The following RNLS variants were observed in gnomAD, a reference collection of about 807,000 sequenced individuals.
RNLS encodes renalase, FAD dependent amine oxidase, also known as renalase.
Under a neutral mutation model 39.8 loss-of-function variants are expected in RNLS, and 39 were observed. The ratio of observed to expected loss-of-function variants is 0.98; its 90% CI spans 0.76 to 1.28. The LOEUF (loss-of-function observed/expected upper bound fraction) is 1.28, where lower values mean the gene tolerates loss of function less well. Ranked by LOEUF, RNLS falls within the 50% of genes most tolerant of loss-of-function variation. RNLS has a pLI of 0.00. For missense variants in RNLS, 410 were observed against 413.3 expected, an observed-to-expected ratio of 0.99 and a Z score of 0.07; for synonymous variants, 147 against 150.7, an observed-to-expected ratio of 0.98 and a Z score of 0.18.
chr10:88,541,418 G>T (rs1159717630), intron 4 of RNLS, among the ~76,000 whole-genome samples: 1 of 152,110 alleles, frequency 6.6e-6, no homozygotes, highest in Admixed American at 6.6e-5. Context: ...GCTGAAACAG[G>T]ATCAAACATA....
chr10:88,315,009 T>C (rs1845652088), intron 5 of RNLS, among the ~76,000 whole-genome samples: 1 of 152,222 alleles, frequency 6.6e-6, no homozygotes, highest in Non-Finnish European at 1.5e-5. Flanking sequence ...ATACAGAGTC[T>C]ATATTCTTCA....
At chr10:88,377,641 G>T (rs1276196087) in intron 4 of RNLS, among the ~76,000 whole-genome samples, 2 of 152,150 alleles carry the variant, frequency 1.3e-5, no homozygotes, top group East Asian at 1.9e-4. Flanking sequence ...ATAAACAATG[G>T]TACATGTGTA....
downstream of RNLS, among the ~76,000 whole-genome samples, chr10:88,283,806 C>T (rs1458320210): frequency 1.3e-5 from 2 of 151,856 alleles, no homozygotes; most frequent in East Asian, 3.9e-4. Context: ...TGGGGCCTAC[C>T]TGAGAGTAGA....
chr10:88,579,539 T>C (rs1850408098), intron 3 of RNLS, among the ~76,000 whole-genome samples: 2 of 152,168 alleles, frequency 1.3e-5, no homozygotes, highest in South Asian at 4.1e-4. Flanking sequence ...TTCTGAGGGC[T>C]CCATTTTGGG....
rs1010901187 is a variant in RNLS at position 88,453,944 on chromosome 10, C to A, written c.527-91219G>T. On this transcript the variant is annotated intron_variant, in intron 4 of 6. Transcript: ENST00000331772. ...GAATATTTGTGGAATTAAAAACAAA[C>A]AAGAACATATTGATCTAGAATATGA... Among the ~76,000 whole-genome samples the A allele has an allele frequency of 5.9e-5, 9 of 152,160 alleles. No homozygotes were observed. In the East Asian group the frequency reaches 1.7e-3, roughly 29 times the overall value.
chr10:88,223,724 C>A, the RNLS span, among the ~76,000 whole-genome samples: 1 of 152,148 alleles, frequency 6.6e-6, no homozygotes, highest in Non-Finnish European at 1.5e-5. Context: ...CCCCCCAATT[C>A]TCTTGGAGAC....
chr10:88,535,406 T>C (rs751977656), intron 4 of RNLS, among the ~76,000 whole-genome samples: 2 of 150,214 alleles, frequency 1.3e-5, no homozygotes, highest in African/African-American at 2.5e-5. Context: ...GGACTTATTA[T>C]ACAGAAGGTT....
intron 5 of RNLS, among the ~76,000 whole-genome samples, chr10:88,352,363 A>G (rs1848780789): frequency 6.6e-6 from 1 of 152,172 alleles, no homozygotes; most frequent in Non-Finnish European, 1.5e-5. Flanking sequence ...TATTATTTTG[A>G]GATACATCCC....
At chr10:88,494,648 G>A (rs113705651) in intron 4 of RNLS, among the ~76,000 whole-genome samples, 11 of 152,176 alleles carry the variant, frequency 7.2e-5, no homozygotes, top group African/African-American at 2.6e-4. Context: ...TTTTCAAGGA[G>A]TAATATTACC....
intron 4 of RNLS, among the ~76,000 whole-genome samples, chr10:88,568,379 C>A (rs947086846): frequency 1.1e-4 from 16 of 152,010 alleles, no homozygotes; most frequent in African/African-American, 3.4e-4. Flanking sequence ...TAAAAAATTC[C>A]AAAATTTACT....
intron 6 of RNLS, among the ~76,000 whole-genome samples, chr10:88,296,785 C>T (rs890364229): frequency 3.3e-5 from 5 of 152,018 alleles, no homozygotes; most frequent in African/African-American, 1.2e-4. Flanking sequence ...ACATTTCCAC[C>T]ACCCCCTAAA....
At chr10:88,300,095 C>T (rs1844403440) in intron 6 of RNLS, among the ~76,000 whole-genome samples, 1 of 152,210 alleles carries the variant, frequency 6.6e-6, no homozygotes, top group South Asian at 2.1e-4. Context: ...TTAAATAGGA[C>T]TGCATTTGAA....
At chr10:88,576,677 A>G (rs1850230573) in intron 3 of RNLS, among the ~76,000 whole-genome samples, 1 of 152,222 alleles carries the variant, frequency 6.6e-6, no homozygotes, top group African/African-American at 2.4e-5. Context: ...TTGAGACAGA[A>G]CCACCCAGAC....
At chr10:88,323,397 C>A (rs939719333) in intron 5 of RNLS, among the ~76,000 whole-genome samples, 1 of 152,036 alleles carries the variant, frequency 6.6e-6, no homozygotes, top group Non-Finnish European at 1.5e-5. Flanking sequence ...GGTATTGGTA[C>A]AAAAACAGAC....
Position 88,320,851 on chromosome 10 carries a change from T to C in RNLS, c.701-6210A>G, listed in dbSNP as rs117187345. 5.8e-3 allele frequency among the ~76,000 whole-genome samples: 841 copies of C among 145,840 alleles called. 3 individuals are homozygous for C. Among genetic ancestry groups the C allele is most frequent in the Non-Finnish European group, 9.7e-3 (645 of 66,560 alleles). On this transcript the variant is annotated intron_variant, in intron 5 of 6. Transcript: ENST00000331772. ...GAGATAGACAGCCTTACAATAATAG[T>C]AGGGGGTTTCAACACCATGCTGACG... is the stretch of plus-strand genomic sequence containing the variant.
chr10:88,413,537 T>C (rs1191978664), intron 4 of RNLS, among the ~76,000 whole-genome samples: 1 of 152,222 alleles, frequency 6.6e-6, no homozygotes, highest in East Asian at 1.9e-4. Flanking sequence ...ACGTCATCCC[T>C]GCTTTGTGTT....
intron 4 of RNLS, among the ~76,000 whole-genome samples, chr10:88,377,307 T>G (rs1337651342): frequency 6.6e-6 from 1 of 152,088 alleles, no homozygotes; most frequent in Non-Finnish European, 1.5e-5. Context: ...AATGTATTTA[T>G]TTGACTCCCA....
At chr10:88,226,394 C>T in the RNLS span, among the ~76,000 whole-genome samples, 1 of 152,192 alleles carries the variant, frequency 6.6e-6, no homozygotes, top group African/African-American at 2.4e-5. Context: ...TTTCAGCTAT[C>T]TAAGACTTAT....
intron 4 of RNLS, among the ~76,000 whole-genome samples, chr10:88,524,612 T>C (rs1846969338): frequency 6.6e-6 from 1 of 151,986 alleles, no homozygotes; most frequent in African/African-American, 2.4e-5. Flanking sequence ...AACATTCAGT[T>C]CTTCAGTTAT....
Sources: allele counts gnomAD v4.1 joint callset (sites outside exome capture counted in the v4.1 genomes callset), GRCh38; gene constraint gnomAD v4.1.1; transcripts MANE v1.5; gene names NCBI Gene and HGNC (gene_info 2026-07-23, HGNC 2026-07-21).